The following CPA6 variants were observed in gnomAD, a reference collection of about 807,000 sequenced individuals.
The protein encoded by CPA6 is carboxypeptidase A6.
CPA6 carries 58 observed loss-of-function variants against 63.3 expected under a neutral mutation model. The observed-to-expected ratio is 0.92, with a 90% CI of 0.74 to 1.14. The LOEUF (loss-of-function observed/expected upper bound fraction) is 1.14, where lower values mean the gene tolerates loss of function less well. Among genes scored for constraint, CPA6 ranks in the 50% most tolerant of loss-of-function variants. The pLI, the probability that CPA6 is intolerant of heterozygous loss-of-function variation, is 0.00. For missense variants in CPA6, 565 were observed against 526.6 expected, an observed-to-expected ratio of 1.07 and a Z score of -0.71; for synonymous variants, 185 against 179.0, an observed-to-expected ratio of 1.03 and a Z score of -0.27.
At chr8:67,541,845 C>T (rs550990804) in intron 2 of CPA6, among the ~76,000 whole-genome samples, 1 of 152,192 alleles carries the variant, frequency 6.6e-6, no homozygotes, top group Non-Finnish European at 1.5e-5. Flanking sequence ...CTAACCAGTC[C>T]CAATGAGAGG....
chr8:67,687,268 C>A (rs1816726643), intron 1 of CPA6, among the ~76,000 whole-genome samples: 1 of 152,156 alleles, frequency 6.6e-6, no homozygotes, highest in African/African-American at 2.4e-5. Context: ...AGCCTTGAGC[C>A]AACCAGGATG....
intron 2 of CPA6, among the ~76,000 whole-genome samples, chr8:67,544,592 A>C (rs963550617): frequency 1.3e-5 from 2 of 152,210 alleles, no homozygotes; most frequent in Non-Finnish European, 2.9e-5. Flanking sequence ...ATCTCAGTGA[A>C]CAGTCCTTCA....
At chr8:67,642,793 T>TCACTCACACACACA (rs1815623485) in intron 1 of CPA6, among the ~76,000 whole-genome samples, 1 of 145,074 alleles carries the variant, frequency 6.9e-6, no homozygotes, top group African/African-American at 2.6e-5. Flanking sequence ...GGCCTTTATC[T>TCACTCACACACACA]CACACACACA....
At chr8:67,569,114 C>A (rs1813418846) in intron 2 of CPA6, among the ~76,000 whole-genome samples, 1 of 152,030 alleles carries the variant, frequency 6.6e-6, no homozygotes, top group Non-Finnish European at 1.5e-5. Context: ...AAGGTAACAT[C>A]CAGGTACAGG....
At chr8:67,584,840 G>A (rs907058068) in intron 2 of CPA6, among the ~76,000 whole-genome samples, 3 of 152,110 alleles carry the variant, frequency 2.0e-5, no homozygotes, top group Non-Finnish European at 4.4e-5. Context: ...TTAGAGGATG[G>A]GAGGAACCAT....
chr8:67,601,828 T>C (rs1248448800), intron 2 of CPA6, among the ~76,000 whole-genome samples: 1 of 152,160 alleles, frequency 6.6e-6, no homozygotes, highest in African/African-American at 2.4e-5. Context: ...AACACATCTA[T>C]AAAAGAAAGT....
At chr8:67,489,356 C>A (rs964090541) in intron 6 of CPA6, among the ~76,000 whole-genome samples, 1 of 152,108 alleles carries the variant, frequency 6.6e-6, no homozygotes, top group Non-Finnish European at 1.5e-5. Flanking sequence ...ATAAATTTCC[C>A]TTTAATACTA....
chr8:67,463,439 C>G (rs941189237), intron 8 of CPA6, among the ~76,000 whole-genome samples: 3 of 149,378 alleles, frequency 2.0e-5, no homozygotes, highest in African/African-American at 7.7e-5. Flanking sequence ...CTGAAACTCA[C>G]TCTCTCTCTC....
chr8:67,544,184 A>G (rs1486586434), intron 2 of CPA6, among the ~76,000 whole-genome samples: 5 of 152,186 alleles, frequency 3.3e-5, no homozygotes, highest in African/African-American at 4.8e-5. Flanking sequence ...ATTATTAAAA[A>G]ACTCAGAGAA....
At chr8:67,494,288 G>T (rs1173616116) in intron 6 of CPA6, among the ~76,000 whole-genome samples, 1 of 151,824 alleles carries the variant, frequency 6.6e-6, no homozygotes, top group Non-Finnish European at 1.5e-5. Context: ...ATGTAGTCAG[G>T]GCTATCAGTC....
At chr8:67,640,242 G>A (rs140051448) in intron 1 of CPA6, among the ~76,000 whole-genome samples, 1,938 of 151,480 alleles carry the variant, frequency 0.013, 126 homozygotes, top group African/African-American at 0.045. Context: ...TTCTGCCCAG[G>A]AGCCTGTCTG....
At chr8:67,515,297 G>C (rs773539710) in intron 3 of CPA6, among the ~76,000 whole-genome samples, 45 of 152,086 alleles carry the variant, frequency 3.0e-4, no homozygotes, top group Non-Finnish European at 1.0e-4. Context: ...ACTTCTCCTA[G>C]ATTTTCCACT....
At chr8:67,497,462 T>C (rs980731795) in intron 6 of CPA6, among the ~76,000 whole-genome samples, 8 of 152,208 alleles carry the variant, frequency 5.3e-5, no homozygotes, top group East Asian at 3.8e-4. Context: ...TAATGCCCTG[T>C]TGTATGGTTA....
intron 1 of CPA6, among the ~76,000 whole-genome samples, chr8:67,680,368 T>G (rs1393694791): frequency 6.6e-6 from 1 of 151,492 alleles, no homozygotes; most frequent in Non-Finnish European, 1.5e-5. Flanking sequence ...CCAGGTGTGG[T>G]GGTGTGTGTA....
intron 6 of CPA6, 128 bp downstream of exon 6, chr8:67,506,659 G>A: frequency 1.6e-6 from 1 of 637,012 alleles, no homozygotes; most frequent in Non-Finnish European, 2.9e-6. Context: ...AGCAGCCCAT[G>A]GAATCAAGGT....
intron 2 of CPA6, among the ~76,000 whole-genome samples, chr8:67,536,190 G>A (rs1812581437): frequency 6.6e-6 from 1 of 152,088 alleles, no homozygotes; most frequent in South Asian, 2.1e-4. Flanking sequence ...CTCTTTTTTG[G>A]TTCCATATGA....
intron 6 of CPA6, among the ~76,000 whole-genome samples, chr8:67,495,984 A>G (rs1811702866): frequency 6.6e-6 from 1 of 152,172 alleles, no homozygotes; most frequent in African/African-American, 2.4e-5. Context: ...CACTAAATCT[A>G]CAACGCCCAC....
intron 2 of CPA6, among the ~76,000 whole-genome samples, chr8:67,556,930 G>A (rs1307533796): frequency 1.3e-5 from 2 of 152,220 alleles, no homozygotes; most frequent in Admixed American, 1.3e-4. Context: ...CTGAGGCCGA[G>A]CTTCACTGAG....
At chr8:67,555,703 G>C (rs982517924) in intron 2 of CPA6, among the ~76,000 whole-genome samples, 2 of 152,158 alleles carry the variant, frequency 1.3e-5, no homozygotes, top group African/African-American at 4.8e-5. Flanking sequence ...AAGTGGGGCA[G>C]AATTGCAGGA....
Sources: gnomAD v4.1 joint callset for allele counts (sites outside exome capture counted in the v4.1 genomes callset) on GRCh38, gnomAD v4.1.1 for gene constraint, MANE v1.5 for transcripts, NCBI Gene and HGNC (gene_info 2026-07-23, HGNC 2026-07-21) for gene names.